Variants in GRID2 observed in about 807,000 individuals in gnomAD.
GRID2 encodes the protein glutamate ionotropic receptor delta type subunit 2.
Under a neutral mutation model 114.8 loss-of-function variants are expected in GRID2, and 33 were observed. That is an observed-to-expected ratio of 0.29 (90% confidence interval 0.22 to 0.38). GRID2 has a LOEUF of 0.38. Among genes scored for constraint, GRID2 ranks in the 10% least tolerant of loss-of-function variants. GRID2 has a pLI of 1.00. For synonymous variants in GRID2, 505 were observed against 449.9 expected (o/e 1.12, Z -1.55); for missense variants, 1,184 against 1,257.7 (o/e 0.94, Z 0.89).
At chr4:92,335,428 T>C (rs1234894361) in intron 1 of GRID2, among the ~76,000 whole-genome samples, 1 of 152,264 alleles carries the variant, frequency 6.6e-6, no homozygotes, top group Non-Finnish European at 1.5e-5. Context: ...TTGCCCAGCA[T>C]GTAATGAACT....
intron 13 of GRID2, among the ~76,000 whole-genome samples, chr4:93,594,855 G>A (rs1194979102): frequency 6.6e-6 from 1 of 152,002 alleles, no homozygotes; most frequent in East Asian, 1.9e-4. Flanking sequence ...ATTAGGAAAG[G>A]GAACTCCCTG....
At chr4:92,872,671 CAGAA>C (rs1215517398) in intron 2 of GRID2, among the ~76,000 whole-genome samples, 1 of 152,090 alleles carries the variant, frequency 6.6e-6, no homozygotes, top group African/African-American at 2.4e-5. Flanking sequence ...ATATTGTTCT[CAGAA>C]AGAAACATTT....
intron 5 of GRID2, among the ~76,000 whole-genome samples, chr4:93,210,607 T>C (rs1276428224): frequency 6.6e-6 from 1 of 152,108 alleles, no homozygotes; most frequent in African/African-American, 2.4e-5. Context: ...AATTTTGTTT[T>C]TGACCATGAG....
At chr4:93,134,296 A>AT (rs1735050448) in intron 4 of GRID2, among the ~76,000 whole-genome samples, 1 of 152,208 alleles carries the variant, frequency 6.6e-6, no homozygotes, top group Admixed American at 6.5e-5. Flanking sequence ...ATTTCAGTAT[A>AT]TATGAAAGAC....
intron 1 of GRID2, among the ~76,000 whole-genome samples, chr4:92,361,305 G>A (rs924497091): frequency 1.3e-5 from 2 of 151,814 alleles, no homozygotes; most frequent in African/African-American, 4.8e-5. Context: ...AATGGACAAA[G>A]CAATTCTGAA....
At chr4:92,395,649 G>A (rs1397465088) in intron 1 of GRID2, among the ~76,000 whole-genome samples, 4 of 151,574 alleles carry the variant, frequency 2.6e-5, no homozygotes, top group African/African-American at 7.3e-5. Flanking sequence ...CTATCTATGT[G>A]TCTCATAGAT....
intron 5 of GRID2, among the ~76,000 whole-genome samples, chr4:93,208,454 C>G (rs1357100212): frequency 1.1e-4 from 16 of 151,998 alleles, no homozygotes; most frequent in Admixed American, 2.0e-4. Context: ...AAATGACACA[C>G]AAGAATGGTA....
rs192032828 is a variant in GRID2, at chr4:93,614,541, A to G, written c.2194-11728A>G. Among the ~76,000 whole-genome samples, 397 of 152,214 alleles carry G rather than the reference A, an allele frequency of 2.6e-3. 1 individual carries two copies. Among genetic ancestry groups the G allele is most frequent in the Middle Eastern group, 0.01 (3 of 292 alleles). On this transcript the variant is annotated intron_variant, in intron 13 of 15. Transcript: ENST00000282020. ...TTTAACATAAAAACATGAAATAGTC[A>G]TTTATTTAAAATTATATATTATTCT...
At chr4:92,473,777 T>C (rs904846303) in intron 1 of GRID2, among the ~76,000 whole-genome samples, 23 of 152,044 alleles carry the variant, frequency 1.5e-4, no homozygotes, top group Non-Finnish European at 2.9e-4. Flanking sequence ...GAAATATCCT[T>C]CTATAATTTG....
At chr4:93,604,367 T>A (rs1739990101) in intron 13 of GRID2, among the ~76,000 whole-genome samples, 1 of 152,216 alleles carries the variant, frequency 6.6e-6, no homozygotes, top group Non-Finnish European at 1.5e-5. Context: ...ACAACGTAGC[T>A]GAATTGCTGC....
intron 4 of GRID2, among the ~76,000 whole-genome samples, chr4:93,187,113 A>C (rs138267353): frequency 0.011 from 1,609 of 152,242 alleles, 11 homozygotes; most frequent in Non-Finnish European, 0.018. Context: ...ATCACCTCCC[A>C]AAAGCCCCAC....
chr4:93,129,261 A>G (rs1734572614), intron 4 of GRID2, among the ~76,000 whole-genome samples: 1 of 152,140 alleles, frequency 6.6e-6, no homozygotes, highest in Admixed American at 6.6e-5. Flanking sequence ...CCTTTCTGAG[A>G]CATGTTTGTT....
chr4:93,111,419 C>G (rs1318476487), intron 4 of GRID2, among the ~76,000 whole-genome samples: 1 of 152,114 alleles, frequency 6.6e-6, no homozygotes, highest in Non-Finnish European at 1.5e-5. Context: ...TTTGTACCAA[C>G]ACAAATAATT....
intron 8 of GRID2, among the ~76,000 whole-genome samples, chr4:93,386,999 T>C (rs1355148587): frequency 6.6e-6 from 1 of 152,156 alleles, no homozygotes; most frequent in African/African-American, 2.4e-5. Context: ...ACATTGTCTG[T>C]GCAAGTCAGT....
At chr4:93,591,302 T>A (rs1024525362) in intron 13 of GRID2, among the ~76,000 whole-genome samples, 7 of 151,984 alleles carry the variant, frequency 4.6e-5, no homozygotes, top group Non-Finnish European at 8.8e-5. Context: ...TTTCTGCATC[T>A]ATTGATATAA....
chr4:93,656,880 C>T (rs1027435294), intron 14 of GRID2, among the ~76,000 whole-genome samples: 7 of 133,972 alleles, frequency 5.2e-5, no homozygotes, highest in African/African-American at 8.2e-5. Flanking sequence ...GCTGTCATTT[C>T]AATTGAATTT....
chr4:93,131,825 T>G (rs72887660), intron 4 of GRID2, among the ~76,000 whole-genome samples: 2 of 152,136 alleles, frequency 1.3e-5, no homozygotes, highest in Admixed American at 1.3e-4. Context: ...TTCTCATCTC[T>G]GCACAAATGG....
intron 1 of GRID2, among the ~76,000 whole-genome samples, chr4:92,531,756 A>T (rs1010482340): frequency 6.6e-6 from 1 of 151,838 alleles, no homozygotes; most frequent in Non-Finnish European, 1.5e-5. Context: ...AACCATAGCT[A>T]TGACAGATTT....
chr4:93,608,651 T>A (rs1412465177), intron 13 of GRID2, among the ~76,000 whole-genome samples: 2 of 139,176 alleles, frequency 1.4e-5, no homozygotes, highest in Non-Finnish European at 3.2e-5. Context: ...TCATCATTTT[T>A]TATGGCTGCA....
Sources: allele counts gnomAD v4.1 joint callset (sites outside exome capture counted in the v4.1 genomes callset), GRCh38; gene constraint gnomAD v4.1.1; transcripts MANE v1.5; gene names NCBI Gene and HGNC (gene_info 2026-07-23, HGNC 2026-07-21).